The following CRIM1 variants were observed in gnomAD, a reference collection of about 807,000 sequenced individuals.
CRIM1 encodes the protein cysteine-rich motor neuron 1 protein.
In CRIM1, 32 loss-of-function variants were observed where a neutral mutation model predicts 116.4. That is an observed-to-expected ratio of 0.27 (90% CI 0.21 to 0.37). CRIM1 has a LOEUF of 0.37. Ranked by LOEUF, CRIM1 falls within the 10% of genes least tolerant of loss-of-function variation. The pLI is 1.00. For missense variants in CRIM1, 1,331 were observed against 1,354.8 expected (o/e 0.98, Z 0.28); for synonymous variants, 590 against 509.2 (o/e 1.16, Z -2.13).
intron 2 of CRIM1, among the ~76,000 whole-genome samples, chr2:36,440,002 A>G (rs969849801): frequency 6.6e-6 from 1 of 152,176 alleles, no homozygotes; most frequent in African/African-American, 2.4e-5. Flanking sequence ...CTCCTATATT[A>G]TGTCTTAGGT....
chr2:36,386,779 A>T (rs1282491822), intron 1 of CRIM1, among the ~76,000 whole-genome samples: 1 of 152,274 alleles, frequency 6.6e-6, no homozygotes, highest in Non-Finnish European at 1.5e-5. Context: ...ATGCAGTAGA[A>T]GTCCTACACT....
intron 2 of CRIM1, among the ~76,000 whole-genome samples, chr2:36,405,527 A>G (rs953154850): frequency 6.6e-6 from 1 of 152,186 alleles, no homozygotes; most frequent in African/African-American, 2.4e-5. Flanking sequence ...TGGCTTAACT[A>G]GGACTAGACT....
At chr2:36,378,399 C>T (rs1322171786) in intron 1 of CRIM1, 1 of 471,174 alleles carries the variant, frequency 2.1e-6, no homozygotes, top group East Asian at 6.9e-5. Context: ...CATTACTGCT[C>T]ATCTCAAAGA....
At chr2:36,379,186 C>T (rs965308266) in intron 1 of CRIM1, 3 of 151,886 alleles carry the variant, frequency 2.0e-5, no homozygotes, top group Non-Finnish European at 2.9e-5. Context: ...GAAATCCTTG[C>T]CTTGTAGTCA....
intron 1 of CRIM1, among the ~76,000 whole-genome samples, chr2:36,379,888 A>C (rs1488946271): frequency 6.7e-6 from 1 of 149,946 alleles, no homozygotes; most frequent in Non-Finnish European, 1.5e-5. Flanking sequence ...GATTTATTAA[A>C]AGCAATGGTT....
intron 1 of CRIM1, among the ~76,000 whole-genome samples, chr2:36,364,847 T>C (rs933429614): frequency 1.3e-5 from 2 of 152,154 alleles, no homozygotes; most frequent in Admixed American, 6.5e-5. Flanking sequence ...TGTGTGTGTG[T>C]ATAGTATGTA....
chr2:36,519,032 A>AT (rs1328977132), intron 12 of CRIM1, among the ~76,000 whole-genome samples: 3 of 152,214 alleles, frequency 2.0e-5, no homozygotes, highest in Non-Finnish European at 4.4e-5. Flanking sequence ...GTGCCTTGAA[A>AT]GGGAGGATTC....
At chr2:36,489,568 T>TA (rs1423841427) in intron 7 of CRIM1, among the ~76,000 whole-genome samples, 1 of 152,216 alleles carries the variant, frequency 6.6e-6, no homozygotes, top group African/African-American at 2.4e-5. Flanking sequence ...GAGGAGCCCC[T>TA]ACAATTCTTG....
intron 4 of CRIM1, among the ~76,000 whole-genome samples, chr2:36,443,296 C>T (rs1676001432): frequency 6.6e-6 from 1 of 152,200 alleles, no homozygotes; most frequent in Non-Finnish European, 1.5e-5. Context: ...GCAGGGCATG[C>T]ACTTAGCCCC....
At chr2:36,433,865 C>T (rs1302621682) in intron 2 of CRIM1, among the ~76,000 whole-genome samples, 1 of 151,962 alleles carries the variant, frequency 6.6e-6, no homozygotes, top group African/African-American at 2.4e-5. Flanking sequence ...TTTGACAAAC[C>T]ACCAAGAAAA....
intron 13 of CRIM1, among the ~76,000 whole-genome samples, chr2:36,528,632 C>T (rs375833369): frequency 5.2e-4 from 79 of 152,260 alleles, no homozygotes; most frequent in African/African-American, 1.8e-3. Context: ...GCACATTCTT[C>T]AGTGCTGTCA....
intron 1 of CRIM1, among the ~76,000 whole-genome samples, chr2:36,370,847 T>C (rs2148303864): frequency 6.6e-6 from 1 of 152,324 alleles, no homozygotes; most frequent in East Asian, 1.9e-4. Context: ...CTAATCTTAG[T>C]ATAATAAGCA....
intron 15 of CRIM1, 82 bp from the exon 16 acceptor site, chr2:36,546,902 G>A (rs1296405613): frequency 2.6e-5 from 20 of 776,410 alleles, no homozygotes; most frequent in Non-Finnish European, 4.1e-5. Context: ...CCAAGTTGCT[G>A]ATCTCTATTT....
intron 13 of CRIM1, among the ~76,000 whole-genome samples, chr2:36,535,527 A>G (rs937586393): frequency 6.6e-6 from 1 of 152,230 alleles, no homozygotes; most frequent in Non-Finnish European, 1.5e-5. Context: ...GATTACAACT[A>G]GAACTTTCCA....
At chr2:36,413,274 A>G (rs1673348272) in intron 2 of CRIM1, among the ~76,000 whole-genome samples, 2 of 152,190 alleles carry the variant, frequency 1.3e-5, no homozygotes, top group Admixed American at 1.3e-4. Flanking sequence ...TCCACTTACC[A>G]CTTTGAAATA....
intron 2 of CRIM1, among the ~76,000 whole-genome samples, chr2:36,436,024 A>G (rs1450470657): frequency 1.3e-5 from 2 of 151,962 alleles, no homozygotes; most frequent in African/African-American, 4.8e-5. Context: ...CCATAGGGAA[A>G]GAGTTAGGAG....
chr2:36,494,971 C>T (rs1321723247), intron 7 of CRIM1, among the ~76,000 whole-genome samples: 1 of 152,134 alleles, frequency 6.6e-6, no homozygotes, highest in Non-Finnish European at 1.5e-5. Context: ...GCAAGGATTT[C>T]CTCATTCTCC....
intron 15 of CRIM1, among the ~76,000 whole-genome samples, chr2:36,545,772 T>C (rs561753172): frequency 6.6e-6 from 1 of 152,294 alleles, no homozygotes; most frequent in East Asian, 1.9e-4. Flanking sequence ...TATCTTATTC[T>C]TCTTGTATGA....
At chr2:36,534,498 G>T (rs1398524274) in intron 13 of CRIM1, among the ~76,000 whole-genome samples, 3 of 133,844 alleles carry the variant, frequency 2.2e-5, no homozygotes, top group African/African-American at 8.7e-5. Flanking sequence ...GGAAGGGAAG[G>T]ACAGGGAGGG....
Sources: allele counts gnomAD v4.1 joint callset (sites outside exome capture counted in the v4.1 genomes callset), GRCh38; gene constraint gnomAD v4.1.1; transcripts MANE v1.5; gene names NCBI Gene and HGNC (gene_info 2026-07-23, HGNC 2026-07-21).